Variants in IL1R1 observed in about 807,000 individuals in gnomAD.
IL1R1 encodes interleukin-1 receptor type 1.
IL1R1 carries 22 observed loss-of-function variants against 50.2 expected under a neutral mutation model. The observed-to-expected ratio is 0.44, with a 90% CI of 0.31 to 0.63. IL1R1 has a LOEUF of 0.63. Among genes scored for constraint, IL1R1 ranks in the 20% least tolerant of loss-of-function variants. The pLI is 0.07. For synonymous variants in IL1R1, 251 were observed against 236.7 expected, an observed-to-expected ratio of 1.06 and a Z score of -0.55; for missense variants, 509 against 676.2, an observed-to-expected ratio of 0.75 and a Z score of 2.74.
At position 102,174,642 on chromosome 2, in the gene IL1R1, T is replaced by C. The variant is rs201085481; in HGVS notation, c.1047T>C (p.Ile349=). Residue 349 remains isoleucine (I), a synonymous_variant, in exon 10 of 12, where the codon ATT becomes ATC. Coordinates refer to ENST00000410023, the MANE Select transcript of IL1R1 (RefSeq NM_000877.4). The part of the protein sequence containing the change: ...IGICVTLTVI[I]VCSVFIYKIF... ...TATGTGTCACGTTGACAGTCATAAT[T>C]GTGTGTTCTGTTTTCATCTATAAAA... 34 of 1,612,006 alleles carry C rather than the reference T, an allele frequency of 2.1e-5. No individual in the cohort carries two copies. The highest frequency in any genetic ancestry group is 2.5e-5 in the Non-Finnish European group (30 of 1,179,014).
intron 2 of IL1R1, among the ~76,000 whole-genome samples, chr2:102,154,316 A>G (rs1228650613): frequency 6.6e-6 from 1 of 152,124 alleles, no homozygotes; most frequent in East Asian, 1.9e-4. Flanking sequence ...CCCCAGTTTC[A>G]ACCCCTTCCA....
chr2:102,095,818 C>T (rs1484386995), intron 1 of IL1R1, among the ~76,000 whole-genome samples: 1 of 152,168 alleles, frequency 6.6e-6, no homozygotes, highest in Non-Finnish European at 1.5e-5. Flanking sequence ...TCCTGGCCAA[C>T]ATGGTGAAAC....
intron 1 of IL1R1, among the ~76,000 whole-genome samples, chr2:102,131,645 T>TA (rs528861480): frequency 1.7e-4 from 12 of 69,606 alleles, no homozygotes; most frequent in African/African-American, 5.5e-4. Context: ...CAATAGAAAC[T>TA]ATAAAAAAAA....
intron 2 of IL1R1, among the ~76,000 whole-genome samples, chr2:102,154,872 G>A (rs1291466016): frequency 6.6e-6 from 1 of 152,130 alleles, no homozygotes; most frequent in Non-Finnish European, 1.5e-5. Context: ...CCCACCTCTG[G>A]TTTATGCTCC....
chr2:102,168,536 G>A (rs1685394632), intron 6 of IL1R1, 62 bp from the exon 7 acceptor site: 1 of 1,306,322 alleles, frequency 7.7e-7, no homozygotes, highest in South Asian at 1.2e-5. Flanking sequence ...GCTAAGTGTT[G>A]TCGTCACTTG....
In IL1R1 at chr2:102,124,902, C is replaced by T. The variant is rs148246182; in HGVS notation, c.-84+20030C>T. Among the ~76,000 whole-genome samples, 322 of 151,222 alleles carry T rather than the reference C, an allele frequency of 2.1e-3. 4 individuals carry two copies. The highest frequency in any genetic ancestry group is 7.0e-3 in the African/African-American group (289 of 41,194). On this transcript the variant is annotated intron_variant, in intron 1 of 10. Coordinates refer to the IL1R1 transcript ENST00000409329. Reference sequence around the variant, plus strand: ...TTGCACTCTAGCCTGGGTAACAGAGCAAGACTCTGTCTCAAAAAATAAAAA... The same window carrying T: ...TTGCACTCTAGCCTGGGTAACAGAGTAAGACTCTGTCTCAAAAAATAAAAA...
chr2:102,154,097 G>T (rs918506479), intron 2 of IL1R1, 80 bp downstream of exon 2: 3 of 152,336 alleles, frequency 2.0e-5, no homozygotes, highest in African/African-American at 7.2e-5. Flanking sequence ...CTCAGATCCA[G>T]GGGCCCTGGA....
At chr2:102,117,733 G>A (rs1360080645) in intron 1 of IL1R1, among the ~76,000 whole-genome samples, 1 of 152,102 alleles carries the variant, frequency 6.6e-6, no homozygotes, top group Non-Finnish European at 1.5e-5. Flanking sequence ...CAGAACCGGT[G>A]TTTGCGTGTG....
At chr2:102,149,526 G>C (rs1240634681) in intron 1 of IL1R1, among the ~76,000 whole-genome samples, 1 of 152,176 alleles carries the variant, frequency 6.6e-6, no homozygotes, top group Non-Finnish European at 1.5e-5. Context: ...AAGTGTGGAA[G>C]GTCAAGAGGA....
chr2:102,159,977 C>T (rs531609670), intron 3 of IL1R1, among the ~76,000 whole-genome samples: 2 of 152,226 alleles, frequency 1.3e-5, no homozygotes, highest in Admixed American at 1.3e-4. Flanking sequence ...TACTGCAAGC[C>T]TTTGATTTTT....
intron 1 of IL1R1, among the ~76,000 whole-genome samples, chr2:102,110,974 C>G (rs2104365725): frequency 6.6e-6 from 1 of 152,198 alleles, no homozygotes; most frequent in East Asian, 1.9e-4. Context: ...AAGTCTGAGG[C>G]ATGAGAAGGA....
intron 10 of IL1R1, 108 bp downstream of exon 10, chr2:102,174,838 A>G: frequency 1.2e-6 from 1 of 838,744 alleles, no homozygotes; most frequent in Non-Finnish European, 1.8e-6. Context: ...TAAAATGAAA[A>G]GTGGCATATA....
At chr2:102,115,889 G>A (rs2104380042) in intron 1 of IL1R1, among the ~76,000 whole-genome samples, 1 of 152,354 alleles carries the variant, frequency 6.6e-6, no homozygotes, top group Admixed American at 6.5e-5. Context: ...AAGGGAGACT[G>A]AGGAGCATCT....
In IL1R1 at chr2:102,172,673, T is replaced by G; in HGVS notation, c.840-14T>G. ...TTAACTTACACAAGTTTATTTACTC[T>G]CTCTCTCGAATAGTGTGGAAAATCC... On this transcript the variant is annotated splice_polypyrimidine_tract_variant and intron_variant, in intron 8 of 11. Transcript: ENST00000410023. The G allele has an allele frequency of 6.3e-7, 1 of 1,587,556 alleles. No individual in the cohort carries two copies. The highest frequency in any genetic ancestry group is 8.6e-7 in the Non-Finnish European group (1 of 1,164,986).
At chr2:102,084,174 C>T (rs1049935276) in intron 1 of IL1R1, among the ~76,000 whole-genome samples, 8 of 152,078 alleles carry the variant, frequency 5.3e-5, no homozygotes, top group Admixed American at 4.6e-4. Flanking sequence ...CATACAAAAA[C>T]CCTAACCAAA....
At chr2:102,135,144 G>GT (rs5832997) in intron 1 of IL1R1, among the ~76,000 whole-genome samples, 10 of 152,144 alleles carry the variant, frequency 6.6e-5, no homozygotes, top group Non-Finnish European at 7.4e-5. Context: ...TCTAAAATCT[G>GT]TTTTTTTTAA....
chr2:102,159,519 C>A (rs1457408221), intron 3 of IL1R1, among the ~76,000 whole-genome samples: 1 of 152,246 alleles, frequency 6.6e-6, no homozygotes, highest in African/African-American at 2.4e-5. Context: ...GCCCACCCTT[C>A]TGGGTTCCCC....
At chr2:102,101,978 C>A (rs528263872), upstream of IL1R1, among the ~76,000 whole-genome samples, 2 of 147,930 alleles carry the variant, frequency 1.4e-5, no homozygotes, top group South Asian at 5.4e-4. Flanking sequence ...TGTGTGGGTG[C>A]GTGTGGGTGC....
chr2:102,095,564 A>G (rs1679860158), intron 1 of IL1R1, among the ~76,000 whole-genome samples: 1 of 152,220 alleles, frequency 6.6e-6, no homozygotes, highest in African/African-American at 2.4e-5. Context: ...GAGAAATAGA[A>G]CATAATTGGC....
Sources: gnomAD v4.1 joint callset for allele counts (sites outside exome capture counted in the v4.1 genomes callset) on GRCh38, gnomAD v4.1.1 for gene constraint, MANE v1.5 for transcripts, NCBI Gene and HGNC (gene_info 2026-07-23, HGNC 2026-07-21) for gene names.